TAMM41: variants seen among roughly 807,000 people sequenced by gnomAD.
The protein encoded by TAMM41 is TAM41 mitochondrial translocator assembly and maintenance homolog.
In TAMM41, 36 loss-of-function variants were observed where a neutral mutation model predicts 44.1. The ratio of observed to expected loss-of-function variants is 0.82; its 90% CI spans 0.63 to 1.08. TAMM41 has a LOEUF of 1.08. Ranked by LOEUF, TAMM41 falls within the 50% of genes least tolerant of loss-of-function variation. The probability of loss-of-function intolerance (pLI) is 0.00; values close to 1 mark genes in which losing one functional copy is unlikely to be tolerated. For synonymous variants in TAMM41, 164 were observed against 153.1 expected, an observed-to-expected ratio of 1.07 and a Z score of -0.53; for missense variants, 417 against 404.3, an observed-to-expected ratio of 1.03 and a Z score of -0.27.
At chr3:11,806,685 A>C (rs1214522546) in intron 7 of TAMM41, among the ~76,000 whole-genome samples, 1 of 152,182 alleles carries the variant, frequency 6.6e-6, no homozygotes, top group African/African-American at 2.4e-5. Context: ...TTAAAGAAAA[A>C]ATTTAAAACA....
At chr3:11,835,984 C>G (rs1312798876) in intron 3 of TAMM41, among the ~76,000 whole-genome samples, 1 of 143,300 alleles carries the variant, frequency 7.0e-6, no homozygotes, top group East Asian at 2.0e-4. Flanking sequence ...TCCAATATTC[C>G]TTTTCCTTTT....
Position 11,809,495 on chromosome 3 carries a change from A to C in TAMM41, c.874+22T>G, listed in dbSNP as rs773138347. The C allele has an allele frequency of 3.7e-6, 6 of 1,611,302 alleles. No homozygotes were observed. The Admixed American group carries it at 1.0e-4, about 27-fold the overall frequency. On this transcript the variant is annotated intron_variant, in intron 6 of 7. Transcript: ENST00000455809. Reference sequence around the variant, plus strand: ...TTTTCCCCATGGCTGGCATTTCCTCAACATCAAATTCATAAACGTACCTAG... The same window carrying C: ...TTTTCCCCATGGCTGGCATTTCCTCCACATCAAATTCATAAACGTACCTAG...
At chr3:11,775,367 C>A in the TAMM41 span, among the ~76,000 whole-genome samples, 92 of 152,298 alleles carry the variant, frequency 6.0e-4, no homozygotes, top group African/African-American at 2.2e-3. Context: ...CCCGCCACCA[C>A]CCTGGTGATT....
the TAMM41 span, among the ~76,000 whole-genome samples, chr3:11,762,970 G>A: frequency 5.9e-5 from 9 of 152,174 alleles, no homozygotes; most frequent in African/African-American, 1.4e-4. Context: ...CCCAGAAGGC[G>A]GAGGTTGCAG....
At chr3:11,734,969 A>G in the TAMM41 span, among the ~76,000 whole-genome samples, 1 of 151,648 alleles carries the variant, frequency 6.6e-6, no homozygotes, top group Non-Finnish European at 1.5e-5. Flanking sequence ...GAATTGCCTG[A>G]ACCCGGGAGG....
At chr3:11,757,700 G>A in the TAMM41 span, among the ~76,000 whole-genome samples, 1 of 152,198 alleles carries the variant, frequency 6.6e-6, no homozygotes, top group African/African-American at 2.4e-5. Context: ...ACTTATCCTG[G>A]TGCTTTAATC....
At chr3:11,748,819 A>G in the TAMM41 span, among the ~76,000 whole-genome samples, 6,149 of 151,794 alleles carry the variant, frequency 0.041, 395 homozygotes, top group African/African-American at 0.14. Context: ...TGAGATTTGT[A>G]TCTGTGACAA....
Position 11,844,071 on chromosome 3 carries a change from G to T in TAMM41, c.276C>A (p.Gly92=). The change falls in exon 2 of 8, where the codon GGC becomes GGA. Residue 92 remains glycine, a synonymous_variant. Coordinates refer to ENST00000455809, the MANE Select transcript of TAMM41 (RefSeq NM_001284401.2). ...TCAATGAATTGTAGTAAACTCCAGCGCCATAGTTATTCTGGATGGACGTGA... is the reference window on the plus strand; with the variant it reads ...TCAATGAATTGTAGTAAACTCCAGCTCCATAGTTATTCTGGATGGACGTGA... ...KIITSIQNNY[G]AGVYYNSLIM... The T allele has an allele frequency of 6.2e-7, 1 of 1,614,128 alleles. No individual in the cohort carries two copies. Among genetic ancestry groups the T allele is most frequent in the Non-Finnish European group, 8.5e-7 (1 of 1,180,018 alleles).
At chr3:11,759,519 A>G in the TAMM41 span, among the ~76,000 whole-genome samples, 2 of 152,044 alleles carry the variant, frequency 1.3e-5, no homozygotes, top group Non-Finnish European at 1.5e-5. Context: ...TAACACTGGA[A>G]TAAAGACACC....
At chr3:11,838,806 TG>T (rs1029703760) in intron 3 of TAMM41, among the ~76,000 whole-genome samples, 1 of 151,710 alleles carries the variant, frequency 6.6e-6, no homozygotes, top group Admixed American at 6.6e-5. Flanking sequence ...AAGGTGGGAG[TG>T]GGGGGCCTGA....
chr3:11,753,148 C>T, the TAMM41 span, among the ~76,000 whole-genome samples: 6 of 151,956 alleles, frequency 3.9e-5, no homozygotes, highest in Non-Finnish European at 7.4e-5. Flanking sequence ...CTGCCCTGGC[C>T]AGCGCAGTGG....
intron 3 of TAMM41, 86 bp from the exon 4 acceptor site, chr3:11,829,950 A>C: frequency 3.8e-5 from 50 of 1,332,318 alleles, no homozygotes; most frequent in Non-Finnish European, 5.0e-5. Context: ...GAACTATCTC[A>C]AACTCTCTTC....
At chr3:11,800,408 C>A (rs1349257506) in intron 7 of TAMM41, among the ~76,000 whole-genome samples, 1 of 151,828 alleles carries the variant, frequency 6.6e-6, no homozygotes, top group Non-Finnish European at 1.5e-5. Flanking sequence ...CTATATGCTA[C>A]CTACAAGAAA....
chr3:11,738,177 C>A, the TAMM41 span, among the ~76,000 whole-genome samples: 1 of 152,130 alleles, frequency 6.6e-6, no homozygotes, highest in African/African-American at 2.4e-5. Flanking sequence ...TCATAGAAAA[C>A]CATAAATTCC....
chr3:11,762,891 C>T, the TAMM41 span, among the ~76,000 whole-genome samples: 5 of 152,168 alleles, frequency 3.3e-5, no homozygotes, highest in Non-Finnish European at 7.3e-5. Context: ...GAAAACCCGT[C>T]TCTTCTAAAA....
the TAMM41 span, among the ~76,000 whole-genome samples, chr3:11,723,405 C>G: frequency 6.6e-6 from 1 of 151,906 alleles, no homozygotes; most frequent in Admixed American, 6.6e-5. Context: ...CACCGCGAAA[C>G]CCCATCTCTA....
At chr3:11,829,956 T>C in intron 3 of TAMM41, 92 bp from the exon 4 acceptor site, 1 of 1,271,830 alleles carries the variant, frequency 7.9e-7, no homozygotes, top group South Asian at 1.3e-5. Context: ...TCTCAAACTC[T>C]CTTCCCACTG....
At chr3:11,730,110 G>A in the TAMM41 span, among the ~76,000 whole-genome samples, 4 of 152,134 alleles carry the variant, frequency 2.6e-5, no homozygotes, top group East Asian at 3.9e-4. Flanking sequence ...TTGGCAGGGC[G>A]CAGTGGCTCA....
chr3:11,795,725 C>T (rs1406145940), intron 7 of TAMM41, among the ~76,000 whole-genome samples: 1 of 152,156 alleles, frequency 6.6e-6, no homozygotes, highest in African/African-American at 2.4e-5. Context: ...TACCTATTCC[C>T]ACACCAGAGT....
Sources: gnomAD v4.1 joint callset for allele counts (sites outside exome capture counted in the v4.1 genomes callset) on GRCh38, gnomAD v4.1.1 for gene constraint, MANE v1.5 for transcripts, NCBI Gene and HGNC (gene_info 2026-07-23, HGNC 2026-07-21) for gene names.